Variants in SAMD12 observed in about 807,000 individuals in gnomAD.
The protein encoded by SAMD12 is sterile alpha motif domain-containing protein 12.
SAMD12 carries 9 observed loss-of-function variants against 15.0 expected under a neutral mutation model. The observed-to-expected ratio is 0.60, with a 90% CI of 0.36 to 1.05. The LOEUF is 1.05. SAMD12 is among the 50% of genes least tolerant of loss of function. SAMD12 has a pLI of 0.01. For missense variants in SAMD12, 230 were observed against 234.2 expected, an observed-to-expected ratio of 0.98 and a Z score of 0.12; for synonymous variants, 86 against 90.1, an observed-to-expected ratio of 0.96 and a Z score of 0.25.
chr8:118,370,076 A>G (rs1212437936), intron 4 of SAMD12, among the ~76,000 whole-genome samples: 1 of 152,156 alleles, frequency 6.6e-6, no homozygotes, highest in Non-Finnish European at 1.5e-5. Context: ...CAAGAAGAAA[A>G]CAAACTTACA....
At chr8:118,552,653 T>C (rs1187512463) in intron 2 of SAMD12, among the ~76,000 whole-genome samples, 1 of 152,116 alleles carries the variant, frequency 6.6e-6, no homozygotes, top group Non-Finnish European at 1.5e-5. Context: ...CCACTCCTAT[T>C]CAATGTAGTG....
the SAMD12 span, among the ~76,000 whole-genome samples, chr8:118,167,112 T>C: frequency 1.3e-5 from 2 of 152,134 alleles, no homozygotes; most frequent in African/African-American, 4.8e-5. Context: ...AGGTGAAGCA[T>C]CTTGAACTCC....
chr8:118,402,921 A>G (rs1355550854), intron 3 of SAMD12, among the ~76,000 whole-genome samples: 2 of 152,186 alleles, frequency 1.3e-5, no homozygotes, highest in Non-Finnish European at 2.9e-5. Flanking sequence ...GATGCTAAAA[A>G]CTAGTTGCTG....
intron 2 of SAMD12, among the ~76,000 whole-genome samples, chr8:118,541,022 C>A (rs1012881685): frequency 6.6e-6 from 1 of 152,084 alleles, no homozygotes; most frequent in East Asian, 1.9e-4. Flanking sequence ...GGCAGAATTG[C>A]GTAAACCTAG....
intron 4 of SAMD12, among the ~76,000 whole-genome samples, chr8:118,258,144 T>A (rs1379668517): frequency 6.6e-6 from 1 of 151,846 alleles, no homozygotes; most frequent in Non-Finnish European, 1.5e-5. Context: ...TAAAAGGAGG[T>A]GAGTATGTGC....
Position 118,442,254 on chromosome 8 carries a change from C to T in SAMD12, c.193-2293G>A, listed in dbSNP as rs6996394. Among the ~76,000 whole-genome samples the T allele has an allele frequency of 9.0e-3, 1,377 of 152,284 alleles. 13 individuals are homozygous for T. Among genetic ancestry groups the T allele is most frequent in the African/African-American group, 0.031 (1,308 of 41,552 alleles). On this transcript the variant is annotated intron_variant, in intron 2 of 3. Transcript: ENST00000314727. ...AGAGTGTCTTGTTTTCAGTAGATCC[C>T]GTGTACATCCACAAGGATTAAGTGA...
At chr8:118,382,740 T>C (rs551763289) in intron 3 of SAMD12, among the ~76,000 whole-genome samples, 1 of 152,304 alleles carries the variant, frequency 6.6e-6, no homozygotes, top group Admixed American at 6.5e-5. Context: ...TGAGAGCTGG[T>C]TCTAATTTTT....
chr8:118,397,089 C>T (rs926633009), intron 3 of SAMD12, among the ~76,000 whole-genome samples: 1 of 152,188 alleles, frequency 6.6e-6, no homozygotes, highest in African/African-American at 2.4e-5. Context: ...AAACTGCCCA[C>T]ATCTATGAGA....
At chr8:118,377,443 A>G (rs192068819), downstream of SAMD12, among the ~76,000 whole-genome samples, 16 of 152,232 alleles carry the variant, frequency 1.1e-4, no homozygotes, top group African/African-American at 3.8e-4. Context: ...AGAACAAGCA[A>G]TAAAAAAGGT....
intron 1 of SAMD12, among the ~76,000 whole-genome samples, chr8:118,600,470 T>C (rs1396354589): frequency 6.6e-6 from 1 of 152,168 alleles, no homozygotes; most frequent in South Asian, 2.1e-4. Context: ...GACCATTTTA[T>C]TGGTGATGAT....
intron 1 of SAMD12, among the ~76,000 whole-genome samples, chr8:118,602,980 A>G (rs1396182213): frequency 6.6e-6 from 1 of 152,174 alleles, no homozygotes; most frequent in African/African-American, 2.4e-5. Context: ...GAAACATTAC[A>G]TCCACAAAAT....
At chr8:118,522,177 CAT>C (rs1491296139) in intron 2 of SAMD12, among the ~76,000 whole-genome samples, 90,386 of 141,880 alleles carry the variant, frequency 0.64, 27,380 homozygotes, top group African/African-American at 0.7. Flanking sequence ...CACACACACA[CAT>C]ACACACACAC....
At chr8:118,302,090 T>TG (rs1815073647) in intron 4 of SAMD12, among the ~76,000 whole-genome samples, 1 of 145,356 alleles carries the variant, frequency 6.9e-6, no homozygotes, top group Non-Finnish European at 1.5e-5. Context: ...TTTTTTTTTT[T>TG]TTTTTTTTTT....
chr8:118,450,699 A>T (rs1823054949), intron 2 of SAMD12, among the ~76,000 whole-genome samples: 1 of 152,192 alleles, frequency 6.6e-6, no homozygotes, highest in African/African-American at 2.4e-5. Context: ...GTGTAATATG[A>T]CTAAAGGTCC....
intron 4 of SAMD12, among the ~76,000 whole-genome samples, chr8:118,369,231 T>C (rs1372729438): frequency 1.3e-5 from 2 of 152,112 alleles, no homozygotes; most frequent in Non-Finnish European, 2.9e-5. Flanking sequence ...TGGAACAGAA[T>C]AGAAAACTCA....
intron 4 of SAMD12, among the ~76,000 whole-genome samples, chr8:118,230,485 C>T (rs191024597): frequency 8.5e-5 from 13 of 152,062 alleles, no homozygotes; most frequent in African/African-American, 2.9e-4. Flanking sequence ...TGGATAATGA[C>T]GTTTCTTGGA....
chr8:118,283,172 C>T (rs1813741248), intron 4 of SAMD12, among the ~76,000 whole-genome samples: 1 of 152,036 alleles, frequency 6.6e-6, no homozygotes, highest in Non-Finnish European at 1.5e-5. Context: ...GGTACATGTG[C>T]ACAACGTGCA....
chr8:118,286,930 A>C (rs1814057384), intron 4 of SAMD12, among the ~76,000 whole-genome samples: 2 of 152,184 alleles, frequency 1.3e-5, no homozygotes, highest in African/African-American at 4.8e-5. Context: ...GCCTGCTCTC[A>C]TGTGCCTGAA....
At chr8:118,242,930 G>C (rs1812606946) in intron 4 of SAMD12, among the ~76,000 whole-genome samples, 1 of 152,164 alleles carries the variant, frequency 6.6e-6, no homozygotes, top group South Asian at 2.1e-4. Context: ...AGTAGACAAT[G>C]GTTTCCCCAT....
Sources: allele counts gnomAD v4.1 joint callset (sites outside exome capture counted in the v4.1 genomes callset), GRCh38; gene constraint gnomAD v4.1.1; transcripts MANE v1.5; gene names NCBI Gene and HGNC (gene_info 2026-07-23, HGNC 2026-07-21).